Variants in PDE11A observed in about 807,000 individuals in gnomAD.
The protein encoded by PDE11A is dual 3',5'-cyclic-AMP and -GMP phosphodiesterase 11A.
In PDE11A, 100 loss-of-function variants were observed where a neutral mutation model predicts 100.5. That is an observed-to-expected ratio of 1.00 (90% CI 0.85 to 1.18). The LOEUF is 1.18. Ranked by LOEUF, PDE11A falls within the 50% of genes most tolerant of loss-of-function variation. The pLI is 0.00. For synonymous variants in PDE11A, 381 were observed against 420.8 expected (o/e 0.91, Z 1.16); for missense variants, 1,141 against 1,152.6 (o/e 0.99, Z 0.15).
At chr2:178,013,535 A>G (rs2086296986) in intron 2 of PDE11A, among the ~76,000 whole-genome samples, 1 of 152,246 alleles carries the variant, frequency 6.6e-6, no homozygotes, top group South Asian at 2.1e-4. Context: ...ACCCACATCC[A>G]GAAGGTTAAA....
intron 9 of PDE11A, among the ~76,000 whole-genome samples, chr2:177,809,113 G>A (rs556699436): frequency 6.6e-6 from 1 of 152,276 alleles, no homozygotes; most frequent in African/African-American, 2.4e-5. Flanking sequence ...GAAGAGAGGG[G>A]AGTGGGGAGT....
At chr2:177,835,846 C>T (rs1052342466) in intron 6 of PDE11A, among the ~76,000 whole-genome samples, 1 of 152,188 alleles carries the variant, frequency 6.6e-6, no homozygotes, top group Non-Finnish European at 1.5e-5. Context: ...GTGCTGGGTC[C>T]CCCAGCAGTG....
intron 2 of PDE11A, chr2:177,998,513 C>A: frequency 1.4e-6 from 2 of 1,387,128 alleles, no homozygotes; most frequent in Non-Finnish European, 2.1e-6. Context: ...TAAATTGAGG[C>A]AGTTCTTTAA....
intron 2 of PDE11A, among the ~76,000 whole-genome samples, chr2:178,098,498 G>A (rs1559071201): frequency 6.6e-6 from 1 of 152,132 alleles, no homozygotes; most frequent in Non-Finnish European, 1.5e-5. Flanking sequence ...ATGGGAGATT[G>A]TATAAATATT....
chr2:178,058,699 C>A (rs1465182977), intron 1 of PDE11A, among the ~76,000 whole-genome samples: 2 of 152,256 alleles, frequency 1.3e-5, no homozygotes, highest in African/African-American at 4.8e-5. Context: ...AGGTACCATG[C>A]CAAACACAGG....
intron 10 of PDE11A, among the ~76,000 whole-genome samples, chr2:177,762,100 T>A (rs927628053): frequency 2.6e-5 from 4 of 152,030 alleles, no homozygotes; most frequent in Non-Finnish European, 4.4e-5. Context: ...GCTGTGAGGA[T>A]GGACAGGAGC....
intron 6 of PDE11A, among the ~76,000 whole-genome samples, chr2:177,833,344 C>T (rs2083341012): frequency 6.6e-6 from 1 of 152,176 alleles, no homozygotes; most frequent in African/African-American, 2.4e-5. Flanking sequence ...CTCCTCAGCT[C>T]TTGAGCACAG....
intron 5 of PDE11A, among the ~76,000 whole-genome samples, chr2:177,849,597 G>T (rs1024669963): frequency 1.8e-4 from 28 of 151,914 alleles, no homozygotes; most frequent in Non-Finnish European, 8.8e-5. Flanking sequence ...TTGCTTCAAA[G>T]AGAATAAAAT....
intron 2 of PDE11A, among the ~76,000 whole-genome samples, chr2:177,929,317 CT>C (rs1007783110): frequency 1.3e-5 from 2 of 152,178 alleles, no homozygotes; most frequent in African/African-American, 4.8e-5. Flanking sequence ...TGAGATACCA[CT>C]TTTTTGTTAG....
At chr2:177,651,506 A>G (rs1424362565) in intron 19 of PDE11A, among the ~76,000 whole-genome samples, 3 of 152,334 alleles carry the variant, frequency 2.0e-5, no homozygotes, top group East Asian at 3.9e-4. Context: ...GGTGATCACC[A>G]TAAAAAGAAA....
At chr2:177,881,031 T>C (rs1228107335) in intron 4 of PDE11A, among the ~76,000 whole-genome samples, 1 of 152,136 alleles carries the variant, frequency 6.6e-6, no homozygotes, top group East Asian at 1.9e-4. Context: ...TTCGAATCAA[T>C]AAATTGAGTA....
At chr2:178,036,853 C>T (rs2086621098) in intron 1 of PDE11A, among the ~76,000 whole-genome samples, 1 of 152,104 alleles carries the variant, frequency 6.6e-6, no homozygotes, top group African/African-American at 2.4e-5. Flanking sequence ...CTTCCTTACA[C>T]CTTATAGAAA....
At chr2:177,838,165 G>A (rs2083434654) in intron 6 of PDE11A, among the ~76,000 whole-genome samples, 1 of 152,122 alleles carries the variant, frequency 6.6e-6, no homozygotes. Context: ...AGAAATTAGA[G>A]GCAGGTAGAT....
chr2:178,094,386 G>T (rs779904087), intron 2 of PDE11A, among the ~76,000 whole-genome samples: 1 of 151,982 alleles, frequency 6.6e-6, no homozygotes, highest in Non-Finnish European at 1.5e-5. Flanking sequence ...AAAAAAAATG[G>T]CCGGGCATGG....
chr2:177,859,445 C>T (rs1022271345), intron 5 of PDE11A, among the ~76,000 whole-genome samples: 1 of 150,996 alleles, frequency 6.6e-6, no homozygotes, highest in Non-Finnish European at 1.5e-5. Flanking sequence ...AAGCATACAC[C>T]TAATAACACA....
chr2:177,929,059 G>A (rs1208452576), intron 2 of PDE11A, among the ~76,000 whole-genome samples: 1 of 152,126 alleles, frequency 6.6e-6, no homozygotes, highest in African/African-American at 2.4e-5. Context: ...GAGTTTGCAG[G>A]GGAACTTGAG....
At chr2:178,062,027 C>A (rs1258243929) in intron 1 of PDE11A, among the ~76,000 whole-genome samples, 1 of 152,156 alleles carries the variant, frequency 6.6e-6, no homozygotes, top group African/African-American at 2.4e-5. Context: ...TCCTTTCTAT[C>A]TATTCACAGC....
chr2:177,665,141 G>T (rs1322474166), intron 18 of PDE11A, among the ~76,000 whole-genome samples: 3 of 151,960 alleles, frequency 2.0e-5, no homozygotes, highest in African/African-American at 7.3e-5. Context: ...CTGGAGAGAG[G>T]GATAGTTCTT....
intron 9 of PDE11A, among the ~76,000 whole-genome samples, chr2:177,782,583 T>C (rs2082469429): frequency 6.6e-6 from 1 of 152,218 alleles, no homozygotes. Context: ...TATTCTCATC[T>C]TGGCCTTTGA....
Sources: gnomAD v4.1 joint callset for allele counts (sites outside exome capture counted in the v4.1 genomes callset) on GRCh38, gnomAD v4.1.1 for gene constraint, MANE v1.5 for transcripts, NCBI Gene and HGNC (gene_info 2026-07-23, HGNC 2026-07-21) for gene names.